The following PPP1R7 variants were observed in gnomAD, a reference collection of about 807,000 sequenced individuals.
PPP1R7 encodes protein phosphatase 1 regulatory subunit 22.
In PPP1R7, 18 loss-of-function variants were observed where a neutral mutation model predicts 45.2. The ratio of observed to expected loss-of-function variants is 0.40; its 90% CI spans 0.28 to 0.59. PPP1R7 has a LOEUF of 0.59. PPP1R7 is among the 20% of genes least tolerant of loss of function. The pLI is 0.46. For missense variants in PPP1R7, 314 were observed against 455.8 expected (o/e 0.69, Z 2.83); for synonymous variants, 181 against 183.4 (o/e 0.99, Z 0.11).
rs749511706 is a variant in PPP1R7 at position 241,166,928 on chromosome 2, C to T, written c.819+487C>T. ...ACAGGACCAGCTCTCAGTCCCAGCC[C>T]CTTCCTCTTCTTACAGTATGAGCAG... On this transcript the variant is annotated intron_variant, in intron 8 of 9. Coordinates refer to ENST00000234038, the MANE Select transcript of PPP1R7 (RefSeq NM_002712.3). 1.9e-4 allele frequency: 163 copies of T among 867,166 alleles called. 1 individual carries two copies. The highest frequency in any genetic ancestry group is 3.1e-5 in the Non-Finnish European group (17 of 541,574). The allele number at this position is 867,166 out of a possible 1,614,324, so 53.7% of individuals were successfully genotyped here. A position where few individuals can be genotyped will look rare whatever the true frequency, so the allele number is the denominator to read the frequency against.
chr2:241,170,506 C>T (rs1243344656), intron 9 of PPP1R7, among the ~76,000 whole-genome samples: 1 of 152,220 alleles, frequency 6.6e-6, no homozygotes, highest in African/African-American at 2.4e-5. Flanking sequence ...AGAGAAATCT[C>T]CTAAGGTTTA....
chr2:241,151,113 G>GA (rs886134422), intron 1 of PPP1R7, among the ~76,000 whole-genome samples: 38 of 150,648 alleles, frequency 2.5e-4, no homozygotes, highest in Non-Finnish European at 4.0e-4. Flanking sequence ...CACTTTGTTG[G>GA]AAAAAAAAAC....
chr2:241,167,589 C>A (rs1193603006), intron 8 of PPP1R7, among the ~76,000 whole-genome samples: 1 of 152,148 alleles, frequency 6.6e-6, no homozygotes, highest in Non-Finnish European at 1.5e-5. Context: ...GCAGTCACCA[C>A]CAAGCATCCA....
At chr2:241,166,863 T>C (rs2067724597) in intron 8 of PPP1R7, among the ~76,000 whole-genome samples, 1 of 152,080 alleles carries the variant, frequency 6.6e-6, no homozygotes. Flanking sequence ...TGTCCATGGG[T>C]CCACTGGCCT....
intron 2 of PPP1R7, chr2:241,154,955 A>T (rs1297345871): frequency 6.6e-6 from 1 of 152,242 alleles, no homozygotes; most frequent in Non-Finnish European, 1.5e-5. Context: ...ATTGGTAACT[A>T]TGGCAACCTA....
upstream of PPP1R7, chr2:241,150,311 G>A (rs967760694): frequency 6.7e-6 from 9 of 1,335,390 alleles, no homozygotes; most frequent in Non-Finnish European, 8.6e-6. Flanking sequence ...CCTGCTCTGG[G>A]GGAGGCGCGG....
intron 9 of PPP1R7, among the ~76,000 whole-genome samples, chr2:241,171,355 T>G (rs1473609904): frequency 1.3e-5 from 2 of 152,216 alleles, no homozygotes; most frequent in African/African-American, 4.8e-5. Flanking sequence ...CAGCGCTTTA[T>G]GGTGTCCATA....
At chr2:241,182,213 TGA>T (rs2068017870) in intron 9 of PPP1R7, among the ~76,000 whole-genome samples, 1 of 152,124 alleles carries the variant, frequency 6.6e-6, no homozygotes. Flanking sequence ...ACAGAAGAGT[TGA>T]GAGTTTTAAG....
chr2:241,169,848 C>A lies in PPP1R7; in HGVS notation c.887C>A (p.Thr296Lys). The A allele has an allele frequency of 6.2e-7, 1 of 1,611,918 alleles. No homozygotes were observed. The highest frequency in any genetic ancestry group is 1.7e-5 in the Admixed American group (1 of 60,022). The change falls in exon 9 of 10, where the codon ACA becomes AAA. Residue 296 changes from threonine (T) to lysine (K), a missense_variant. Physicochemically the swap from Thr to Lys is moderately conservative, Grantham distance 78 (BLOSUM62 -1). Coordinates refer to ENST00000234038, the MANE Select transcript of PPP1R7 (RefSeq NM_002712.3). ...AAGATTGAAAATATCAGCCATCTAA[C>A]AGAGCTGCAAGAGTTCTGGGTAAGT... Reference protein sequence around the residue: ...IKKIENISHLTELQEFWMNDN... With the variant: ...IKKIENISHLKELQEFWMNDN...
intron 9 of PPP1R7, among the ~76,000 whole-genome samples, chr2:241,181,024 C>A (rs931061824): frequency 6.6e-6 from 1 of 152,018 alleles, no homozygotes; most frequent in African/African-American, 2.4e-5. Context: ...CGTGGTGAAA[C>A]CCCATCTCTA....
intron 5 of PPP1R7, 121 bp downstream of exon 5, chr2:241,159,464 G>A: frequency 7.9e-7 from 1 of 1,273,088 alleles, no homozygotes; most frequent in Non-Finnish European, 1.1e-6. Context: ...TCTGCCACAG[G>A]GTCCTGCCCT....
intron 2 of PPP1R7, among the ~76,000 whole-genome samples, chr2:241,154,371 A>G (rs1211860086): frequency 6.6e-6 from 1 of 151,976 alleles, no homozygotes. Flanking sequence ...CCATTTTTAT[A>G]GGCCTGAGGA....
chr2:241,180,683 G>A (rs928271924), intron 9 of PPP1R7, among the ~76,000 whole-genome samples: 4 of 151,938 alleles, frequency 2.6e-5, no homozygotes, highest in Non-Finnish European at 4.4e-5. Context: ...CACAACCAGC[G>A]GGGCGGTGCG....
chr2:241,152,858 A>G (rs1458213433), intron 1 of PPP1R7, among the ~76,000 whole-genome samples: 3 of 152,232 alleles, frequency 2.0e-5, no homozygotes, highest in Non-Finnish European at 4.4e-5. Context: ...ATGAACCTTT[A>G]AAAGCCTTAA....
At chr2:241,155,022 T>C (rs370723307) in intron 2 of PPP1R7, 4 of 152,332 alleles carry the variant, frequency 2.6e-5, no homozygotes, top group East Asian at 1.9e-4. Context: ...CTTTGGAACT[T>C]TGAGGCTGAT....
chr2:241,149,990 T>C, upstream of PPP1R7: 2 of 1,414,618 alleles, frequency 1.4e-6, no homozygotes, highest in South Asian at 1.5e-5. Flanking sequence ...GCCGGGAGAA[T>C]GTTGTTGCTC....
chr2:241,173,958 T>G (rs1045951253), intron 9 of PPP1R7, among the ~76,000 whole-genome samples: 5 of 151,656 alleles, frequency 3.3e-5, no homozygotes, highest in African/African-American at 1.2e-4. Context: ...CTTCATTAGA[T>G]TCATGTTTTC....
At chr2:241,158,577 T>C in intron 4 of PPP1R7, 28 bp downstream of exon 4, 1 of 1,591,018 alleles carries the variant, frequency 6.3e-7, no homozygotes, top group Non-Finnish European at 8.6e-7. Flanking sequence ...GAGGGGACTA[T>C]GACGCTCACC....
rs957909612 is a variant in PPP1R7, at chr2:241,179,802, G to C, written c.907-2845G>C. 3.3e-5 allele frequency among the ~76,000 whole-genome samples: 5 copies of C among 152,320 alleles called. No homozygotes were observed. In the East Asian group the frequency reaches 5.8e-4, roughly 18 times the overall value. On this transcript the variant is annotated intron_variant, in intron 9 of 9. Coordinates refer to ENST00000234038, the MANE Select transcript of PPP1R7 (RefSeq NM_002712.3). The stretch of plus-strand genomic sequence containing the variant: ...AGTCTCATACAAGTGAATGTTTTTA[G>C]TTCCATTTTGGAAAAATGCAAAGAT...
Sources: allele counts gnomAD v4.1 joint callset (sites outside exome capture counted in the v4.1 genomes callset), GRCh38; gene constraint gnomAD v4.1.1; transcripts MANE v1.5; gene names NCBI Gene and HGNC (gene_info 2026-07-23, HGNC 2026-07-21).